UNC13C: variants seen among roughly 807,000 people sequenced by gnomAD.
UNC13C encodes protein unc-13 homolog C.
Under a neutral mutation model 245.4 loss-of-function variants are expected in UNC13C, and 174 were observed. The ratio of observed to expected loss-of-function variants is 0.71; its 90% CI spans 0.63 to 0.80. UNC13C has a LOEUF of 0.80. Among genes scored for constraint, UNC13C ranks in the 30% least tolerant of loss-of-function variants. UNC13C has a pLI of 0.00. For synonymous variants in UNC13C, 992 were observed against 895.1 expected (o/e 1.11, Z -1.93); for missense variants, 2,829 against 2,602.9 (o/e 1.09, Z -1.89).
At chr15:54,555,628 A>G in intron 29 of UNC13C, 116 bp downstream of exon 29, 1 of 751,630 alleles carries the variant, frequency 1.3e-6, no homozygotes, top group Non-Finnish European at 2.2e-6. Context: ...AAGAGATAGT[A>G]GATAGTTGAA....
At position 54,578,594 on chromosome 15, in the gene UNC13C, G is replaced by A. The variant is rs188275464; in HGVS notation, c.6106+10647G>A. ...GACATTTGTTTACATCTAAAGTTAC[G>A]TATAAAGTTTACCTATAAATAACCA... On this transcript the variant is annotated intron_variant, in intron 30 of 32. Coordinates refer to ENST00000260323, the MANE Select transcript of UNC13C (RefSeq NM_001080534.3). Among the ~76,000 whole-genome samples the A allele has an allele frequency of 1.2e-4, 18 of 152,278 alleles. 1 individual carries two copies. Among genetic ancestry groups the A allele is most frequent in the Admixed American group, 5.2e-4 (8 of 15,302 alleles).
At chr15:54,028,357 A>G (rs1595735605) in intron 2 of UNC13C, among the ~76,000 whole-genome samples, 1 of 152,270 alleles carries the variant, frequency 6.6e-6, no homozygotes, top group South Asian at 2.1e-4. Context: ...ACAACAATGG[A>G]CCATTGCTGT....
the UNC13C span, among the ~76,000 whole-genome samples, chr15:53,874,867 G>A: frequency 5.9e-5 from 9 of 152,140 alleles, no homozygotes; most frequent in Non-Finnish European, 1.2e-4. Flanking sequence ...AGGCCAAGGC[G>A]GGCGGATCAT....
chr15:54,553,209 T>A (rs1272165193), intron 28 of UNC13C, among the ~76,000 whole-genome samples: 1 of 115,650 alleles, frequency 8.6e-6, no homozygotes, highest in Non-Finnish European at 1.6e-5. Flanking sequence ...TATTCTATAT[T>A]ACAATATATA....
chr15:54,338,681 A>G (rs2038654140), intron 17 of UNC13C, among the ~76,000 whole-genome samples, 192 bp downstream of exon 17: 1 of 152,176 alleles, frequency 6.6e-6, no homozygotes, highest in Admixed American at 6.5e-5. Flanking sequence ...GCTCCTTAAA[A>G]TAACTTTATC....
chr15:54,131,192 G>T (rs892805640), intron 2 of UNC13C, among the ~76,000 whole-genome samples: 14 of 152,128 alleles, frequency 9.2e-5, no homozygotes, highest in African/African-American at 3.4e-4. Flanking sequence ...TGTCTGCATG[G>T]AATTTTGGTA....
At position 54,006,040 on chromosome 15, in the gene UNC13C, G is replaced by A. The variant is rs184106677; in HGVS notation, c.-256-6608G>A. Among the ~76,000 whole-genome samples, 95 of 152,270 alleles carry A rather than the reference G, an allele frequency of 6.2e-4. 1 individual carries two copies. The highest frequency in any genetic ancestry group is 2.0e-3 in the African/African-American group (85 of 41,550). ...AAATTATTATAGTAAAATAATTTTA[G>A]AGTTAGGCGATTTGGGCAACTACTT... On this transcript the variant is annotated intron_variant, in intron 1 of 32. Coordinates refer to ENST00000260323, the MANE Select transcript of UNC13C (RefSeq NM_001080534.3).
chr15:54,057,232 C>A (rs927259659), intron 2 of UNC13C, among the ~76,000 whole-genome samples: 1 of 151,702 alleles, frequency 6.6e-6, no homozygotes, highest in African/African-American at 2.4e-5. Context: ...CGTGCAGAGA[C>A]ACACATAGGC....
At chr15:54,333,319 T>C (rs2038489476) in intron 15 of UNC13C, among the ~76,000 whole-genome samples, 1 of 152,066 alleles carries the variant, frequency 6.6e-6, no homozygotes, top group African/African-American at 2.4e-5. Context: ...GCAAACTTAT[T>C]TTTTTAACTT....
intron 11 of UNC13C, 92 bp downstream of exon 11, chr15:54,294,156 C>T (rs2037371898): frequency 8.9e-7 from 1 of 1,124,464 alleles, no homozygotes; most frequent in Non-Finnish European, 1.2e-6. Flanking sequence ...GTAAAAATAA[C>T]CAATGCCTTT....
At chr15:54,324,652 A>G (rs932192973) in intron 14 of UNC13C, among the ~76,000 whole-genome samples, 4 of 150,700 alleles carry the variant, frequency 2.7e-5, no homozygotes, top group Non-Finnish European at 4.4e-5. Flanking sequence ...CCCTGTCTCT[A>G]AAAAAAAAGT....
intron 30 of UNC13C, among the ~76,000 whole-genome samples, chr15:54,574,185 G>T (rs929374190): frequency 2.0e-5 from 3 of 152,066 alleles, no homozygotes; most frequent in African/African-American, 7.2e-5. Flanking sequence ...AAAATATGTA[G>T]AAATACTGTG....
chr15:54,505,557 A>G (rs2141106986), intron 22 of UNC13C, among the ~76,000 whole-genome samples: 1 of 152,296 alleles, frequency 6.6e-6, no homozygotes, highest in Non-Finnish European at 1.5e-5. Flanking sequence ...GCAACAGCTT[A>G]TTAGTATTAA....
intron 17 of UNC13C, among the ~76,000 whole-genome samples, chr15:54,354,408 TGTTA>T (rs1567209848): frequency 2.0e-5 from 3 of 152,332 alleles, no homozygotes; most frequent in Non-Finnish European, 2.9e-5. Flanking sequence ...CTACTGATTC[TGTTA>T]GCCTTATAAA....
At chr15:54,191,936 A>G (rs1469523513) in intron 4 of UNC13C, among the ~76,000 whole-genome samples, 1 of 151,938 alleles carries the variant, frequency 6.6e-6, no homozygotes, top group Non-Finnish European at 1.5e-5. Context: ...CTCCTTGTAG[A>G]TTCTAGATAT....
chr15:54,172,950 A>G (rs557399561), intron 4 of UNC13C, among the ~76,000 whole-genome samples: 1 of 151,404 alleles, frequency 6.6e-6, no homozygotes, highest in East Asian at 1.9e-4. Context: ...TTTTGCTTAT[A>G]TGAACATACA....
intron 11 of UNC13C, among the ~76,000 whole-genome samples, chr15:54,294,507 T>C (rs971873849): frequency 6.6e-6 from 1 of 152,088 alleles, no homozygotes; most frequent in Non-Finnish European, 1.5e-5. Context: ...TAGGCTTTAG[T>C]TGACAAAGTC....
chr15:53,863,765 T>C, the UNC13C span, among the ~76,000 whole-genome samples: 1 of 152,240 alleles, frequency 6.6e-6, no homozygotes, highest in Non-Finnish European at 1.5e-5. Context: ...GCCACACTTG[T>C]GTATCTTCAC....
At chr15:53,847,836 C>T in the UNC13C span, among the ~76,000 whole-genome samples, 1 of 152,134 alleles carries the variant, frequency 6.6e-6, no homozygotes, top group Non-Finnish European at 1.5e-5. Context: ...TTTGCCTACT[C>T]AGGACCTCTC....
Sources: gnomAD v4.1 joint callset for allele counts (sites outside exome capture counted in the v4.1 genomes callset) on GRCh38, gnomAD v4.1.1 for gene constraint, MANE v1.5 for transcripts, NCBI Gene and HGNC (gene_info 2026-07-23, HGNC 2026-07-21) for gene names.